Variants in EPB41L3 observed in about 807,000 individuals in gnomAD.
EPB41L3 encodes the protein erythrocyte membrane protein band 4.1 like 3.
EPB41L3 carries 57 observed loss-of-function variants against 127.1 expected under a neutral mutation model. The ratio of observed to expected loss-of-function variants is 0.45; its 90% CI spans 0.36 to 0.56. The LOEUF (loss-of-function observed/expected upper bound fraction) is 0.56. EPB41L3 is among the 20% of genes least tolerant of loss of function. The pLI, the probability that EPB41L3 is intolerant of heterozygous loss-of-function variation, is 0.00. For synonymous variants in EPB41L3, 572 were observed against 549.5 expected (o/e 1.04, Z -0.57); for missense variants, 1,273 against 1,372.2 (o/e 0.93, Z 1.14).
intron 1 of EPB41L3, among the ~76,000 whole-genome samples, chr18:5,534,679 T>C (rs916803128): frequency 1.3e-5 from 2 of 152,286 alleles, no homozygotes; most frequent in Middle Eastern, 3.4e-3. Context: ...CTTTGGATCT[T>C]ACAATTACTA....
intron 3 of EPB41L3, among the ~76,000 whole-genome samples, chr18:5,453,496 G>T (rs1270073491): frequency 6.6e-6 from 1 of 152,046 alleles, no homozygotes; most frequent in Non-Finnish European, 1.5e-5. Flanking sequence ...AAATAAAAAA[G>T]CCTCCTGCCT....
chr18:5,502,113 T>A (rs2091800017), intron 1 of EPB41L3, among the ~76,000 whole-genome samples: 1 of 152,208 alleles, frequency 6.6e-6, no homozygotes, highest in Non-Finnish European at 1.5e-5. Context: ...TGGTTGGGGC[T>A]GCCTTCTGAT....
At chr18:5,624,404 T>C (rs1446456659) in intron 1 of EPB41L3, among the ~76,000 whole-genome samples, 2 of 152,240 alleles carry the variant, frequency 1.3e-5, no homozygotes, top group African/African-American at 2.4e-5. Context: ...CATTCTATTC[T>C]ACTTTTGAAA....
intron 3 of EPB41L3, among the ~76,000 whole-genome samples, chr18:5,461,069 T>C (rs2083917309): frequency 6.6e-6 from 1 of 152,194 alleles, no homozygotes; most frequent in Admixed American, 6.5e-5. Context: ...GTCATCATAC[T>C]ATTAAAGAAA....
chr18:5,440,326 A>G (rs1410069451), intron 5 of EPB41L3, among the ~76,000 whole-genome samples: 3 of 152,338 alleles, frequency 2.0e-5, no homozygotes, highest in Non-Finnish European at 1.5e-5. Flanking sequence ...GAAAGTGTAC[A>G]GAAACTATAA....
chr18:5,488,402 TGGGGCCTGTC>T (rs1330141958), intron 2 of EPB41L3, among the ~76,000 whole-genome samples: 1 of 148,290 alleles, frequency 6.7e-6, no homozygotes, highest in Non-Finnish European at 1.5e-5. Flanking sequence ...CATCACACAC[TGGGGCCTGTC>T]GGGGACTGGG....
chr18:5,434,111 A>G lies in EPB41L3; in HGVS notation c.616T>C (p.Cys206Arg). ...LSEDITRYYL[C>R]LQLRDDIVSG... ...ACGATGTCATCTCGCAACTGCAAGC[A>G]GAGGTAGTACCTTCCAGGAACCAAA... Residue 206 changes from cysteine (C) to arginine (R), a missense_variant, in exon 7 of 23, where the codon TGC becomes CGC. By Grantham distance (180) the Cys-to-Arg change is radical. Coordinates refer to ENST00000341928, the MANE Select transcript of EPB41L3 (RefSeq NM_012307.5). The G allele has an allele frequency of 1.9e-6, 3 of 1,614,140 alleles. No individual in the cohort carries two copies. The highest frequency in any genetic ancestry group is 2.5e-6 in the Non-Finnish European group (3 of 1,180,010).
At chr18:5,526,371 T>C (rs1170572402) in intron 1 of EPB41L3, among the ~76,000 whole-genome samples, 12 of 152,202 alleles carry the variant, frequency 7.9e-5, no homozygotes, top group Admixed American at 7.8e-4. Context: ...AATATCTAAG[T>C]TGACATCTTC....
At chr18:5,499,491 C>T (rs1047466013) in intron 1 of EPB41L3, among the ~76,000 whole-genome samples, 3 of 152,004 alleles carry the variant, frequency 2.0e-5, no homozygotes, top group Non-Finnish European at 2.9e-5. Flanking sequence ...TGGCTGGGTG[C>T]GGTGGCTCAT....
rs1461696192 is a variant in EPB41L3, at chr18:5,543,712, G to T, written c.-12+201C>A. Among the ~76,000 whole-genome samples the T allele has an allele frequency of 1.2e-4, 17 of 147,194 alleles. No individual in the cohort carries two copies. The highest frequency in any genetic ancestry group is 2.4e-4 in the Non-Finnish European group (16 of 66,214). On this transcript the variant is annotated intron_variant, in intron 1 of 22. Coordinates refer to ENST00000341928, the MANE Select transcript of EPB41L3 (RefSeq NM_012307.5). This position sits in a 1 kb window ranked among gnomAD's most constrained non-coding sequence, Gnocchi z 5.2. ...CGGCGCGCAGGCTCGGCCCGGTGGG[G>T]GTCCCGGCGAGCGGGAGGGCGGTTG...
At chr18:5,583,195 T>C (rs994375030) in intron 3 of EPB41L3, among the ~76,000 whole-genome samples, 6 of 152,162 alleles carry the variant, frequency 3.9e-5, no homozygotes, top group African/African-American at 1.4e-4. Context: ...ACAGTAACTG[T>C]CCCTACCGCC....
At chr18:5,626,723 T>C (rs2094927124) in intron 1 of EPB41L3, among the ~76,000 whole-genome samples, 1 of 152,228 alleles carries the variant, frequency 6.6e-6, no homozygotes, top group East Asian at 1.9e-4. Flanking sequence ...CTGTGACTTA[T>C]CTCACTTCCT....
At chr18:5,615,251 T>G (rs2094779844) in intron 1 of EPB41L3, among the ~76,000 whole-genome samples, 1 of 152,242 alleles carries the variant, frequency 6.6e-6, no homozygotes, top group African/African-American at 2.4e-5. Flanking sequence ...CTCCTTTTTT[T>G]TGAGAAGCAT....
In EPB41L3 at chr18:5,543,706, G is replaced by A. The variant is rs1426453877; in HGVS notation, c.-12+207C>T. Among the ~76,000 whole-genome samples, 3 of 146,986 alleles carry A rather than the reference G, an allele frequency of 2.0e-5. No homozygotes were observed. The highest frequency in any genetic ancestry group is 4.5e-5 in the Non-Finnish European group (3 of 66,156). ...GGGGCGCGGCGCGCAGGCTCGGCCC[G>A]GTGGGGGTCCCGGCGAGCGGGAGGG... On this transcript the variant is annotated intron_variant, in intron 1 of 22. Transcript: ENST00000341928. The surrounding 1 kb of genome is among the most constrained non-coding windows in gnomAD (Gnocchi z 5.2).
intron 3 of EPB41L3, among the ~76,000 whole-genome samples, chr18:5,603,823 G>A (rs548316011): frequency 2.4e-4 from 37 of 152,128 alleles, no homozygotes; most frequent in African/African-American, 7.2e-4. Flanking sequence ...GATCAATCAC[G>A]CCACTGCACT....
At chr18:5,607,220 C>T (rs1411956986) in intron 3 of EPB41L3, among the ~76,000 whole-genome samples, 1 of 152,126 alleles carries the variant, frequency 6.6e-6, no homozygotes, top group Non-Finnish European at 1.5e-5. Context: ...ATAGCTTGGA[C>T]CTGTCTCTCT....
chr18:5,585,748 A>G (rs2094436352), intron 3 of EPB41L3, among the ~76,000 whole-genome samples: 1 of 152,190 alleles, frequency 6.6e-6, no homozygotes, highest in Non-Finnish European at 1.5e-5. Flanking sequence ...TGCATCACTC[A>G]GGCTCTCTGA....
intron 1 of EPB41L3, among the ~76,000 whole-genome samples, chr18:5,537,101 C>T (rs1010603065): frequency 1.3e-5 from 2 of 152,136 alleles, no homozygotes; most frequent in Non-Finnish European, 2.9e-5. Context: ...GTTAAAAGAA[C>T]CATGCCACAT....
chr18:5,490,847 C>A (rs1599693755), intron 1 of EPB41L3, among the ~76,000 whole-genome samples: 1 of 152,256 alleles, frequency 6.6e-6, no homozygotes, highest in East Asian at 1.9e-4. Flanking sequence ...AAAGGATTAG[C>A]TTTAATAGTC....
Sources: allele counts gnomAD v4.1 joint callset (sites outside exome capture counted in the v4.1 genomes callset), GRCh38; gene constraint gnomAD v4.1.1; non-coding constraint Gnocchi (gnomAD v3.1); transcripts MANE v1.5; gene names NCBI Gene and HGNC (gene_info 2026-07-23, HGNC 2026-07-21).